Variants in UXS1 observed in about 807,000 individuals in gnomAD.
UXS1 encodes the protein UDP-glucuronic acid decarboxylase 1.
Under a neutral mutation model 62.6 loss-of-function variants are expected in UXS1, and 33 were observed. The ratio of observed to expected loss-of-function variants is 0.53; its 90% confidence interval spans 0.40 to 0.70. The LOEUF is 0.70. Among genes scored for constraint, UXS1 ranks in the 30% least tolerant of loss-of-function variants. The pLI is 0.00. For synonymous variants in UXS1, 213 were observed against 206.8 expected (o/e 1.03, Z -0.26); for missense variants, 434 against 556.3 (o/e 0.78, Z 2.21).
chr2:106,137,575 G>C (rs1463195213), intron 6 of UXS1, among the ~76,000 whole-genome samples: 1 of 151,920 alleles, frequency 6.6e-6, no homozygotes, highest in Non-Finnish European at 1.5e-5. Context: ...GATCACCTGA[G>C]GTCAGGAGTT....
intron 1 of UXS1, among the ~76,000 whole-genome samples, chr2:106,190,869 G>A (rs775459811): frequency 6.6e-6 from 1 of 151,862 alleles, no homozygotes; most frequent in East Asian, 1.9e-4. Context: ...AAAAAAATAC[G>A]TTAAAGGTAA....
At chr2:106,152,659 T>A (rs1429403913) in intron 5 of UXS1, among the ~76,000 whole-genome samples, 1 of 149,712 alleles carries the variant, frequency 6.7e-6, no homozygotes, top group East Asian at 2.0e-4. Flanking sequence ...ACAGCAAGAG[T>A]CTGCAACACT....
At chr2:106,188,112 T>C (rs1684687602) in intron 1 of UXS1, among the ~76,000 whole-genome samples, 2 of 151,538 alleles carry the variant, frequency 1.3e-5, no homozygotes, top group South Asian at 4.2e-4. Context: ...CATCAGAAAA[T>C]GTCTTTTGTC....
chr2:106,123,790 T>C (rs1320911406), intron 8 of UXS1, among the ~76,000 whole-genome samples: 1 of 152,260 alleles, frequency 6.6e-6, no homozygotes, highest in Non-Finnish European at 1.5e-5. Flanking sequence ...ACCTAATTTA[T>C]TTAGTACACC....
At chr2:106,181,907 G>C (rs1003791531) in intron 1 of UXS1, among the ~76,000 whole-genome samples, 12 of 151,714 alleles carry the variant, frequency 7.9e-5, no homozygotes, top group African/African-American at 2.9e-4. Context: ...TAAAAGTTAA[G>C]AAGAAGATGG....
At chr2:106,165,345 T>C (rs58263740) in intron 2 of UXS1, among the ~76,000 whole-genome samples, 3,770 of 152,230 alleles carry the variant, frequency 0.025, 190 homozygotes, top group East Asian at 0.21. Context: ...TAGTAACCTT[T>C]TACCCTGGTA....
rs115862222 is a variant in UXS1, at chr2:106,108,786, C to T, written c.879+3860G>A. On this transcript the variant is annotated intron_variant, in intron 10 of 14. Coordinates refer to ENST00000283148, the MANE Select transcript of UXS1 (RefSeq NM_001253875.2). ...CATGATCACTTAGCAATGTCCCCAG[C>T]CGCTGTGCTTTATGTGTTTAAGATG... 6.1e-3 allele frequency among the ~76,000 whole-genome samples: 933 copies of T among 152,298 alleles called. 10 individuals carry two copies. Among genetic ancestry groups the T allele is most frequent in the African/African-American group, 0.021 (862 of 41,558 alleles).
rs1676837577 is a variant in UXS1 at position 106,093,602 on chromosome 2, G to A, written c.*424C>T. 3 of 154,662 alleles carry A rather than the reference G, an allele frequency of 1.9e-5. No individual in the cohort carries two copies. In the Admixed American group the frequency reaches 2.0e-4, roughly 10 times the overall value. 9.6% of individuals were successfully genotyped at this position (154,662 alleles called of 1,614,324 possible). A position where few individuals can be genotyped will look rare whatever the true frequency, so the allele number is the denominator to read the frequency against. ...CACCACCACCTGACAATACTGCTAG[G>A]ATTTTTCTTTATGCATAGTATAACG... On this transcript the variant is annotated 3_prime_UTR_variant, in exon 15 of 15. Transcript: ENST00000283148.
At chr2:106,174,567 C>T (rs1160139490) in intron 1 of UXS1, among the ~76,000 whole-genome samples, 1 of 152,212 alleles carries the variant, frequency 6.6e-6, no homozygotes, top group Non-Finnish European at 1.5e-5. Context: ...CAAATAGAAC[C>T]TGAGGGCTGG....
At chr2:106,183,065 C>T (rs1684343131) in intron 1 of UXS1, among the ~76,000 whole-genome samples, 1 of 152,064 alleles carries the variant, frequency 6.6e-6, no homozygotes, top group Admixed American at 6.5e-5. Context: ...TGCTGAGAAG[C>T]CCTGTTTACG....
At chr2:106,170,514 C>G (rs1683488100) in intron 1 of UXS1, among the ~76,000 whole-genome samples, 1 of 152,172 alleles carries the variant, frequency 6.6e-6, no homozygotes, top group Non-Finnish European at 1.5e-5. Flanking sequence ...ACATTTATCT[C>G]TTGCTTATTA....
Position 106,104,782 on chromosome 2 carries a change from G to A in UXS1, c.923+12C>T, listed in dbSNP as rs2104853603. On this transcript the variant is annotated intron_variant, in intron 11 of 14. Coordinates refer to ENST00000283148, the MANE Select transcript of UXS1 (RefSeq NM_001253875.2). Reference sequence around the variant, plus strand: ...GCACTGCTAAGGCTGGGGCAGGGCAGGACAGTCTTACCTGACGTACTGGAA... The same window carrying A: ...GCACTGCTAAGGCTGGGGCAGGGCAAGACAGTCTTACCTGACGTACTGGAA... The A allele has an allele frequency of 6.2e-7, 1 of 1,613,966 alleles. No homozygotes were observed. The highest frequency in any genetic ancestry group is 1.1e-5 in the South Asian group (1 of 91,080).
Position 106,173,133 on chromosome 2 carries a change from A to C in UXS1, c.95-7050T>G, listed in dbSNP as rs1216511416. Among the ~76,000 whole-genome samples the C allele has an allele frequency of 2.6e-5, 4 of 152,292 alleles. No individual in the cohort carries two copies. The East Asian group carries it at 7.7e-4, about 29-fold the overall frequency. On this transcript the variant is annotated intron_variant, in intron 1 of 14. Transcript: ENST00000283148. ...AAAATGTAAGCTCCACAGCAGCAACAATTTTGTTTTGTTCAGTGCTGTTAT... is the reference window on the plus strand; with the variant it reads ...AAAATGTAAGCTCCACAGCAGCAACCATTTTGTTTTGTTCAGTGCTGTTAT...
intron 6 of UXS1, chr2:106,138,380 G>T: frequency 1.0e-6 from 1 of 985,534 alleles, no homozygotes; most frequent in Non-Finnish European, 1.2e-6. Context: ...CTGAGCACAA[G>T]ATGCAGGCCT....
chr2:106,153,930 A>T (rs1395480596), intron 5 of UXS1, among the ~76,000 whole-genome samples: 2 of 152,226 alleles, frequency 1.3e-5, no homozygotes, highest in Non-Finnish European at 2.9e-5. Context: ...AAAATACCAC[A>T]GTTGAAACTA....
At chr2:106,178,458 G>A in intron 1 of UXS1, among the ~76,000 whole-genome samples, 1 of 151,996 alleles carries the variant, frequency 6.6e-6, no homozygotes, top group East Asian at 1.9e-4. Flanking sequence ...ATGTATGTGT[G>A]TGTATATACA....
chr2:106,106,536 C>CT (rs1264242509), intron 10 of UXS1, among the ~76,000 whole-genome samples: 3 of 152,124 alleles, frequency 2.0e-5, no homozygotes, highest in Non-Finnish European at 4.4e-5. Context: ...AGGCCTTACA[C>CT]TGAGAAAAGG....
chr2:106,105,391 G>A (rs921945836), intron 10 of UXS1, among the ~76,000 whole-genome samples: 50 of 67,100 alleles, frequency 7.5e-4, no homozygotes, highest in African/African-American at 2.6e-3. Flanking sequence ...TGATGCGGAG[G>A]TGGCAGGAGG....
chr2:106,189,178 A>T (rs551232355), intron 1 of UXS1, among the ~76,000 whole-genome samples: 3 of 152,224 alleles, frequency 2.0e-5, no homozygotes, highest in African/African-American at 7.2e-5. Context: ...GAAAATTCCC[A>T]TAACTGAAGA....
Sources: allele counts gnomAD v4.1 joint callset (sites outside exome capture counted in the v4.1 genomes callset), GRCh38; gene constraint gnomAD v4.1.1; transcripts MANE v1.5; gene names NCBI Gene and HGNC (gene_info 2026-07-23, HGNC 2026-07-21).